SNX29: variants seen among roughly 807,000 people sequenced by gnomAD.
SNX29 encodes sorting nexin 29.
In SNX29, 78 loss-of-function variants were observed where a neutral mutation model predicts 102.1. The observed-to-expected ratio is 0.76, with a 90% confidence interval of 0.64 to 0.92. The LOEUF is 0.92. Among genes scored for constraint, SNX29 ranks in the 40% least tolerant of loss-of-function variants. SNX29 has a pLI of 0.00. For missense variants in SNX29, 1,280 were observed against 1,061.7 expected, an observed-to-expected ratio of 1.21 and a Z score of -2.86; for synonymous variants, 580 against 414.5, an observed-to-expected ratio of 1.40 and a Z score of -4.85.
Position 12,043,818 on chromosome 16 carries a change from A to G in SNX29, c.428+741A>G, listed in dbSNP as rs141453674. Among the ~76,000 whole-genome samples the G allele has an allele frequency of 5.8e-3, 879 of 152,180 alleles. 10 individuals are homozygous for G. The highest frequency in any genetic ancestry group is 0.02 in the African/African-American group (837 of 41,494). ...GCCCAGGCTGGAGTGCACTGATGCT[A>G]TCTGGGCTCACTGCAACCTCCGTCT... On this transcript the variant is annotated intron_variant, in intron 5 of 20. Coordinates refer to ENST00000566228, the MANE Select transcript of SNX29 (RefSeq NM_032167.5).
At chr16:12,273,020 C>T (rs1277008115) in intron 14 of SNX29, among the ~76,000 whole-genome samples, 1 of 152,186 alleles carries the variant, frequency 6.6e-6, no homozygotes, top group Non-Finnish European at 1.5e-5. Flanking sequence ...ACTGGAAATG[C>T]TATCTACAGC....
chr16:12,572,052 A>C lies in SNX29; in HGVS notation c.*3423A>C. The C allele has an allele frequency of 1.9e-6, 2 of 1,063,348 alleles. No homozygotes were observed. The highest frequency in any genetic ancestry group is 9.1e-5 in the South Asian group (2 of 21,966). The allele number at this position is 1,063,348 out of a possible 1,614,324, so 65.9% of individuals were successfully genotyped here. A position where few individuals can be genotyped will look rare whatever the true frequency, so the allele number is the denominator to read the frequency against. The stretch of plus-strand genomic sequence containing the variant: ...GGATCATCCAGTGGAGTTGTAAACA[A>C]GGGAACCATCTTGCAAGATCTAGGA... On this transcript the variant is annotated 3_prime_UTR_variant, in exon 21 of 21. Coordinates refer to ENST00000566228, the MANE Select transcript of SNX29 (RefSeq NM_032167.5).
At chr16:12,060,502 T>C (rs1016723045) in intron 8 of SNX29, among the ~76,000 whole-genome samples, 5 of 152,196 alleles carry the variant, frequency 3.3e-5, no homozygotes, top group Non-Finnish European at 5.9e-5. Flanking sequence ...CTCGGGATGC[T>C]GAGGCAGGAG....
At chr16:12,022,172 T>C (rs1267165767) in intron 3 of SNX29, among the ~76,000 whole-genome samples, 1 of 146,146 alleles carries the variant, frequency 6.8e-6, no homozygotes, top group South Asian at 2.2e-4. Context: ...AATTCAGTGA[T>C]TTTTTTTTTT....
chr16:12,029,855 G>C (rs1214616506), intron 4 of SNX29: 1 of 340,998 alleles, frequency 2.9e-6, no homozygotes, highest in African/African-American at 2.2e-5. Flanking sequence ...ACCTCCCAAA[G>C]TGCTGGGATT....
chr16:12,440,744 A>G (rs1488493861), intron 18 of SNX29, among the ~76,000 whole-genome samples: 1 of 152,052 alleles, frequency 6.6e-6, no homozygotes, highest in Non-Finnish European at 1.5e-5. Context: ...CTCTACCCCC[A>G]TCCATGTCCC....
intron 18 of SNX29, among the ~76,000 whole-genome samples, chr16:12,452,242 G>A (rs892980967): frequency 2.0e-5 from 3 of 152,188 alleles, no homozygotes; most frequent in Non-Finnish European, 4.4e-5. Context: ...TTGTCCCTAC[G>A]GGGACATTTG....
At chr16:12,293,773 C>A (rs2079883151) in intron 15 of SNX29, among the ~76,000 whole-genome samples, 1 of 152,094 alleles carries the variant, frequency 6.6e-6, no homozygotes, top group Admixed American at 6.5e-5. Context: ...TAATTTTGAG[C>A]CATTCTGTTC....
intron 14 of SNX29, among the ~76,000 whole-genome samples, chr16:12,235,676 G>GT (rs1268016836): frequency 3.9e-5 from 6 of 152,008 alleles, no homozygotes; most frequent in Non-Finnish European, 8.8e-5. Flanking sequence ...AAACCTCTGG[G>GT]TAAAAAAAAG....
chr16:12,047,679 C>T (rs867652587), intron 6 of SNX29, among the ~76,000 whole-genome samples: 11 of 131,522 alleles, frequency 8.4e-5, no homozygotes, highest in South Asian at 2.5e-4. Context: ...TTTTTTGAGA[C>T]GGAGTTTCAC....
intron 16 of SNX29, chr16:12,373,825 G>A (rs960125745): frequency 1.3e-5 from 2 of 152,162 alleles, no homozygotes; most frequent in African/African-American, 4.8e-5. Context: ...AGGGACTGTG[G>A]GTTTATTTGT....
At chr16:12,188,788 C>A (rs1388839232) in intron 13 of SNX29, among the ~76,000 whole-genome samples, 1 of 152,174 alleles carries the variant, frequency 6.6e-6, no homozygotes, top group Non-Finnish European at 1.5e-5. Flanking sequence ...TGAGATGCCA[C>A]ACAGCTTAAT....
chr16:12,200,349 C>A (rs1472263869), intron 14 of SNX29, among the ~76,000 whole-genome samples: 1 of 152,084 alleles, frequency 6.6e-6, no homozygotes, highest in Non-Finnish European at 1.5e-5. Flanking sequence ...CTCAGGGCAG[C>A]CTGAAGAAAG....
At chr16:12,140,591 C>G (rs997732253) in intron 13 of SNX29, among the ~76,000 whole-genome samples, 1 of 152,120 alleles carries the variant, frequency 6.6e-6, no homozygotes, top group African/African-American at 2.4e-5. Context: ...CCACAGAGGG[C>G]TTGTGACGCT....
chr16:12,200,190 A>G (rs1373093114), intron 14 of SNX29, among the ~76,000 whole-genome samples: 3 of 152,230 alleles, frequency 2.0e-5, no homozygotes, highest in Admixed American at 2.0e-4. Flanking sequence ...ACGTCTTAGC[A>G]TAATGCCTAC....
In SNX29 at chr16:12,568,409, A is replaced by G. The variant is rs552369304; in HGVS notation, c.2319-97A>G. The G allele has an allele frequency of 2.8e-5, 42 of 1,506,976 alleles. No homozygotes were observed. The African/African-American group carries it at 5.2e-4, about 19-fold the overall frequency. The allele number at this position is 1,506,976 out of a possible 1,614,324, so 93.4% of individuals were successfully genotyped here. A position where few individuals can be genotyped will look rare whatever the true frequency, so the allele number is the denominator to read the frequency against. On this transcript the variant is annotated intron_variant, in intron 20 of 20. Transcript: ENST00000566228. Reference sequence around the variant, plus strand: ...AATGAGCCAGTCACAGTTGCCAATCAGATCCCTCCTGCCCTCACACCTGGC... The same window carrying G: ...AATGAGCCAGTCACAGTTGCCAATCGGATCCCTCCTGCCCTCACACCTGGC...
At chr16:12,561,291 T>C in intron 20 of SNX29, 1 of 230,600 alleles carries the variant, frequency 4.3e-6, no homozygotes, top group Non-Finnish European at 8.6e-6. Flanking sequence ...GGGAGAACAT[T>C]CTCCATGATC....
rs3975440 is a variant in SNX29 at position 12,048,817 on chromosome 16, C to T, written c.748+197C>T. ...GGCCTTACCTAGATGCGAGAATTGC[C>T]GGGTGGAAAAATGAACAGCTCAACC... On this transcript the variant is annotated intron_variant, in intron 7 of 20. Transcript: ENST00000566228. 8.8e-4 allele frequency among the ~76,000 whole-genome samples: 134 copies of T among 152,182 alleles called. 1 individual carries two copies. Among genetic ancestry groups the T allele is most frequent in the Admixed American group, 6.5e-3 (100 of 15,278 alleles).
intron 15 of SNX29, among the ~76,000 whole-genome samples, chr16:12,312,942 C>T (rs757496998): frequency 9.9e-5 from 15 of 151,924 alleles, no homozygotes; most frequent in Admixed American, 3.9e-4. Context: ...GATGGCCTTC[C>T]GAGTCAGGGG....
Sources: gnomAD v4.1 joint callset for allele counts (sites outside exome capture counted in the v4.1 genomes callset) on GRCh38, gnomAD v4.1.1 for gene constraint, MANE v1.5 for transcripts, NCBI Gene and HGNC (gene_info 2026-07-23, HGNC 2026-07-21) for gene names.